PKHD1: variants seen among roughly 807,000 people sequenced by gnomAD.
PKHD1 encodes PKHD1 ciliary IPT domain containing fibrocystin/polyductin, also known as fibrocystin.
In PKHD1, 291 loss-of-function variants were observed where a neutral mutation model predicts 412.0. The ratio of observed to expected loss-of-function variants is 0.71; its 90% CI spans 0.64 to 0.78. PKHD1 has a LOEUF of 0.78. PKHD1 is among the 30% of genes least tolerant of loss of function. The pLI is 0.00. For synonymous variants in PKHD1, 1,777 were observed against 1,821.5 expected, an observed-to-expected ratio of 0.98 and a Z score of 0.62; for missense variants, 4,825 against 4,950.7, an observed-to-expected ratio of 0.97 and a Z score of 0.76.
At chr6:52,004,718 A>G (rs1344996982) in intron 35 of PKHD1, among the ~76,000 whole-genome samples, 1 of 152,122 alleles carries the variant, frequency 6.6e-6, no homozygotes. Context: ...GAGCTAGAAT[A>G]TTTTATTCCT....
chr6:52,083,438 A>C (rs1288269372), intron 2 of PKHD1, among the ~76,000 whole-genome samples, 183 bp from the exon 3 acceptor site: 1 of 152,232 alleles, frequency 6.6e-6, no homozygotes, highest in East Asian at 1.9e-4. Flanking sequence ...CCAAGAATCT[A>C]CATTTCTAAC....
chr6:51,821,689 G>C (rs1036437969), intron 52 of PKHD1, among the ~76,000 whole-genome samples: 1 of 152,118 alleles, frequency 6.6e-6, no homozygotes, highest in Non-Finnish European at 1.5e-5. Context: ...AAATGACAGG[G>C]ATTCAGTGAT....
intron 1 of PKHD1, among the ~76,000 whole-genome samples, chr6:52,086,037 A>G (rs1812719931): frequency 6.8e-6 from 1 of 147,410 alleles, no homozygotes. Flanking sequence ...TTTATTACAT[A>G]TAAATATATA....
At chr6:51,836,553 T>C in intron 50 of PKHD1, 84 bp from the exon 51 acceptor site, 1 of 992,240 alleles carries the variant, frequency 1.0e-6, no homozygotes, top group South Asian at 1.3e-5. Flanking sequence ...AAGAAGAATT[T>C]ATGCTAAATT....
chr6:51,803,500 T>TA (rs1763238086), intron 52 of PKHD1, among the ~76,000 whole-genome samples: 1 of 150,354 alleles, frequency 6.7e-6, no homozygotes, highest in Non-Finnish European at 1.5e-5. Context: ...TCCTTGTCCT[T>TA]AGAGTTAATT....
At chr6:52,034,850 G>A (rs554808714) in intron 28 of PKHD1, among the ~76,000 whole-genome samples, 1 of 152,210 alleles carries the variant, frequency 6.6e-6, no homozygotes. Flanking sequence ...TAAGGAACTA[G>A]ATGAGATTAA....
chr6:51,702,229 G>GTATAATATATAATATATTATATATATA (rs1294842919), intron 60 of PKHD1, among the ~76,000 whole-genome samples: 1 of 92,674 alleles, frequency 1.1e-5, no homozygotes, highest in Non-Finnish European at 2.7e-5. Context: ...TTATATATAT[G>GTATAATATATAATATATTATATATATA]TCATGGAATA....
At chr6:51,769,832 T>C (rs73426079) in intron 55 of PKHD1, among the ~76,000 whole-genome samples, 27,826 of 151,428 alleles carry the variant, frequency 0.18, 3,321 homozygotes, top group African/African-American at 0.34. Flanking sequence ...GTACGCTATA[T>C]TCTCATTATT....
intron 63 of PKHD1, among the ~76,000 whole-genome samples, chr6:51,647,565 A>G (rs1770272960): frequency 6.6e-6 from 1 of 152,196 alleles, no homozygotes. Context: ...TTTTGCACTT[A>G]TCATCACATT....
chr6:51,918,712 T>A (rs1458534532), intron 37 of PKHD1, among the ~76,000 whole-genome samples: 1 of 152,224 alleles, frequency 6.6e-6, no homozygotes, highest in Non-Finnish European at 1.5e-5. Flanking sequence ...ATATACCCAG[T>A]AATGGGATTG....
In PKHD1 at chr6:52,055,547, C is replaced by T. The variant is rs1400712091; in HGVS notation, c.1836+40G>A. 1.9e-6 allele frequency: 3 copies of T among 1,610,800 alleles called. No individual in the cohort carries two copies. In the African/African-American group the frequency reaches 4.0e-5, roughly 22 times the overall value. On this transcript the variant is annotated intron_variant, in intron 19 of 66. Coordinates refer to ENST00000371117, the MANE Select transcript of PKHD1 (RefSeq NM_138694.4). ...TTGAATCCAGAGAGCAATACCAATA[C>T]CTACCCACCTGACCCAGAAGCACAA...
At chr6:51,801,788 C>A (rs1278535626) in intron 52 of PKHD1, among the ~76,000 whole-genome samples, 1 of 152,094 alleles carries the variant, frequency 6.6e-6, no homozygotes, top group Non-Finnish European at 1.5e-5. Context: ...TCCCCACATT[C>A]TTTCTGTGTC....
At chr6:52,011,092 A>G (rs2017134) in intron 34 of PKHD1, among the ~76,000 whole-genome samples, 79,085 of 152,106 alleles carry the variant, frequency 0.52, 22,281 homozygotes, top group Admixed American at 0.63. Flanking sequence ...AAGGAGATTC[A>G]ATATATGTGC....
At chr6:51,789,301 T>C (rs1210735132) in intron 53 of PKHD1, among the ~76,000 whole-genome samples, 2 of 152,240 alleles carry the variant, frequency 1.3e-5, no homozygotes, top group African/African-American at 2.4e-5. Context: ...AATGAAGATA[T>C]GAATAATGAT....
intron 52 of PKHD1, among the ~76,000 whole-genome samples, chr6:51,796,259 A>G (rs915965276): frequency 2.6e-5 from 4 of 151,936 alleles, no homozygotes; most frequent in Non-Finnish European, 4.4e-5. Flanking sequence ...CCAGGAATTT[A>G]TCCATTTCTC....
chr6:51,855,408 C>G (rs1773103007), intron 49 of PKHD1, among the ~76,000 whole-genome samples: 1 of 152,198 alleles, frequency 6.6e-6, no homozygotes, highest in African/African-American at 2.4e-5. Context: ...TTATTTGTCT[C>G]CCTTAACCCA....
At chr6:51,624,561 A>C (rs1767009694) in intron 66 of PKHD1, among the ~76,000 whole-genome samples, 1 of 152,184 alleles carries the variant, frequency 6.6e-6, no homozygotes, top group African/African-American at 2.4e-5. Flanking sequence ...AACTTGGATA[A>C]AATTTCTATT....
At position 51,618,122 on chromosome 6, in the gene PKHD1, C is replaced by T. The variant is rs1416026084; in HGVS notation, c.*959G>A. ...ACCAAATGTATCAATACCAGGTGAG[C>T]CTTTGTTCTGATCTCCATTTAAACC... On this transcript the variant is annotated 3_prime_UTR_variant, in exon 67 of 67. Coordinates refer to ENST00000371117, the MANE Select transcript of PKHD1 (RefSeq NM_138694.4). 6.6e-6 allele frequency: 1 copy of T among 152,140 alleles called. No individual in the cohort carries two copies. Among genetic ancestry groups the T allele is most frequent in the Admixed American group, 6.5e-5 (1 of 15,270 alleles). The allele number at this position is 152,140 out of a possible 1,614,324, so 9.4% of individuals were successfully genotyped here.
intron 9 of PKHD1, 56 bp downstream of exon 9, chr6:52,070,950 G>T (rs566678932): frequency 9.4e-7 from 1 of 1,062,118 alleles, no homozygotes; most frequent in Non-Finnish European, 1.5e-6. Flanking sequence ...GCTTTTGTCC[G>T]GATACAGAGA....
Sources: gnomAD v4.1 joint callset for allele counts (sites outside exome capture counted in the v4.1 genomes callset) on GRCh38, gnomAD v4.1.1 for gene constraint, MANE v1.5 for transcripts, NCBI Gene and HGNC (gene_info 2026-07-23, HGNC 2026-07-21) for gene names.